The following WDR87 variants were observed in gnomAD, a reference collection of about 807,000 sequenced individuals.
WDR87 encodes the protein WD repeat domain 87.
In WDR87, 56 loss-of-function variants were observed where a neutral mutation model predicts 83.3. The observed-to-expected ratio is 0.67, with a 90% CI of 0.54 to 0.84. WDR87 has a LOEUF of 0.84. Ranked by LOEUF, WDR87 falls within the 40% of genes least tolerant of loss-of-function variation. The pLI, the probability that WDR87 is intolerant of heterozygous loss-of-function variation, is 0.00. For synonymous variants in WDR87, 1,173 were observed against 1,250.6 expected, an observed-to-expected ratio of 0.94 and a Z score of 1.31; for missense variants, 2,939 against 3,431.9, an observed-to-expected ratio of 0.86 and a Z score of 3.59.
rs776393968 is a variant in WDR87, at chr19:37,889,291, G to A, written c.4380C>T (p.Thr1460=). 1.5e-5 allele frequency: 23 copies of A among 1,551,590 alleles called. No individual in the cohort carries two copies. In the African/African-American group the frequency reaches 2.6e-4, roughly 18 times the overall value. Residue 1460 remains threonine (T), a synonymous_variant, in exon 6 of 6, where the codon ACC becomes ACT. Coordinates refer to ENST00000447313, the MANE Select transcript of WDR87 (RefSeq NM_001291088.2). Reference sequence around the variant, plus strand: ...CCTCACTCATATCCCTCTCTTCTTTGGTCATTTCCCTCTTTATTTTTCCTA... The same window carrying A: ...CCTCACTCATATCCCTCTCTTCTTTAGTCATTTCCCTCTTTATTTTTCCTA... ...RKVGKIKREM[T]KEERDMSEEV...
At chr19:37,899,601 C>A (rs2046281625) in intron 1 of WDR87, among the ~76,000 whole-genome samples, 1 of 152,070 alleles carries the variant, frequency 6.6e-6, no homozygotes, top group South Asian at 2.1e-4. Flanking sequence ...CCACACCTGG[C>A]TAATTTTTGT....
Position 37,886,242 on chromosome 19 carries a change from C to T in WDR87, c.7429G>A (p.Glu2477Lys). The T allele has an allele frequency of 2.6e-6, 4 of 1,551,706 alleles. No individual in the cohort carries two copies. Among genetic ancestry groups the T allele is most frequent in the Non-Finnish European group, 3.5e-6 (4 of 1,146,996 alleles). ...ATGGGTTCATATTTTCCCATCACTT[C>T]TCTTTCTTTATCCATTGTCCCTAAG... ...KFLGTMDKER[E>K]VMGKYEPIPP... The change falls in exon 6 of 6, where the codon GAA becomes AAA. Residue 2477 changes from glutamate to lysine, a missense_variant. Glu to Lys is a moderately conservative substitution (Grantham distance 56). Coordinates refer to ENST00000447313, the MANE Select transcript of WDR87 (RefSeq NM_001291088.2).
Position 37,889,433 on chromosome 19 carries a change from A to T in WDR87, c.4238T>A (p.Ile1413Asn), listed in dbSNP as rs1568450570. The T allele has an allele frequency of 6.4e-7, 1 of 1,551,848 alleles. No individual in the cohort carries two copies. Among genetic ancestry groups the T allele is most frequent in the Admixed American group, 2.0e-5 (1 of 50,994 alleles). ...GGTTACATTACCTGGTTCTAAAAAA[A>T]TAACTTTCTTGCCCTTTTTCAAAAT... ...QVILKKGKKVIFLEPGNVTMG... is the reference protein window; with the variant it reads ...QVILKKGKKVNFLEPGNVTMG... Residue 1413 changes from isoleucine to asparagine, a missense_variant, in exon 6 of 6, where the codon ATT becomes AAT. This residue lies in a region of WDR87 where 2,160 missense variants were observed against 2,533.1 expected (regional missense o/e 0.85). Transcript: ENST00000447313.
intron 1 of WDR87, among the ~76,000 whole-genome samples, chr19:37,905,556 A>G (rs2046320858): frequency 7.0e-6 from 1 of 143,576 alleles, no homozygotes; most frequent in Admixed American, 7.0e-5. Flanking sequence ...AAACACACAC[A>G]TATATAATTT....
chr19:37,899,594 C>T (rs1364556564), intron 1 of WDR87, among the ~76,000 whole-genome samples: 1 of 152,120 alleles, frequency 6.6e-6, no homozygotes. Flanking sequence ...TATGCCACCA[C>T]ACCTGGCTAA....
chr19:37,894,022 T>A lies in WDR87; in HGVS notation c.1681A>T (p.Thr561Ser). ...LASILSSCHLTHLILLPKSVG... is the reference protein window; with the variant it reads ...LASILSSCHLSHLILLPKSVG... Reference sequence around the variant, plus strand: ...GACTTGGGCAAGAGTATCAGATGTGTTAGGTGACAGCTGCTGAGAATGCTG... The same window carrying A: ...GACTTGGGCAAGAGTATCAGATGTGATAGGTGACAGCTGCTGAGAATGCTG... Residue 561 changes from threonine (T) to serine (S), a missense_variant, in exon 4 of 6, where the codon ACA becomes TCA. Physicochemically the swap from Thr to Ser is moderately conservative, Grantham distance 58. Transcript: ENST00000447313. The A allele has an allele frequency of 6.4e-7, 1 of 1,551,906 alleles. No homozygotes were observed. The highest frequency in any genetic ancestry group is 8.7e-7 in the Non-Finnish European group (1 of 1,147,028).
In WDR87 at chr19:37,885,824, T is replaced by A; in HGVS notation, c.7847A>T (p.His2616Leu). 6.4e-7 allele frequency: 1 copy of A among 1,551,880 alleles called. No individual in the cohort carries two copies. Among genetic ancestry groups the A allele is most frequent in the Non-Finnish European group, 8.7e-7 (1 of 1,147,036 alleles). The change falls in exon 6 of 6, where the codon CAC (histidine) becomes CTC (leucine). Residue 2616 changes from histidine to leucine, a missense_variant. This residue lies in a region of WDR87 where 2,160 missense variants were observed against 2,533.1 expected (regional missense o/e 0.85). Transcript: ENST00000447313. Reference protein sequence around the residue: ...LAKHEAIVYRHRQALESQDTR... With the variant: ...LAKHEAIVYRLRQALESQDTR... ...GTCTTGTGACTCCAGGGCCTGTCTG[T>A]GACGGTACACAATGGCTTCATGTTT...
rs778258054 is a variant in WDR87 at position 37,893,180 on chromosome 19, G to A, written c.2523C>T (p.Tyr841=). 3.9e-6 allele frequency: 6 copies of A among 1,551,912 alleles called. No individual in the cohort carries two copies. Among genetic ancestry groups the A allele is most frequent in the Non-Finnish European group, 4.4e-6 (5 of 1,147,034 alleles). The stretch of plus-strand genomic sequence containing the variant: ...GGGGTGCATGCAGGTTGCACTGTAG[G>A]TATATTGGGGTGCCCTCTGGCCAAA... The part of the protein sequence containing the change: ...ARLWPEGTPI[Y]LQCNLHAPQR... The change falls in exon 4 of 6, where the codon TAC becomes TAT. Residue 841 remains tyrosine (Y), a synonymous_variant. Coordinates refer to ENST00000447313, the MANE Select transcript of WDR87 (RefSeq NM_001291088.2).
rs138797668 is a variant in WDR87, at chr19:37,891,732, T to C, written c.3214A>G (p.Arg1072Gly). ...LQILSTQVEQ[R>G]LNENLTLSHR... is the part of the protein sequence containing the mutation. ...GACAGGGTCAGGTTTTCATTCAATC[T>C]CTGCTCCACTTGAGTGGAAAGGATT... The change falls in exon 5 of 6, where the codon AGA becomes GGA. Residue 1072 changes from arginine (R) to glycine (G), a missense_variant. Physicochemically the swap from Arg to Gly is moderately radical, Grantham distance 125. Coordinates refer to ENST00000447313, the MANE Select transcript of WDR87 (RefSeq NM_001291088.2). 4 of 1,552,106 alleles carry C rather than the reference T, an allele frequency of 2.6e-6. No individual in the cohort carries two copies. The African/African-American group carries it at 5.5e-5, about 21-fold the overall frequency.
rs2046142598 is a variant in WDR87, at chr19:37,886,146, T to C, written c.7525A>G (p.Ile2509Val). ...QDLKTPFMSHILRRTVEAEEL... is the reference protein window; with the variant it reads ...QDLKTPFMSHVLRRTVEAEEL... ...TCAGCTTCCACGGTCCTCCTTAATA[T>C]GTGGGACATAAATGGGGTCTTTAAG... The change falls in exon 6 of 6, where the codon ATA (isoleucine) becomes GTA (valine). Residue 2509 changes from isoleucine (I) to valine (V), a missense_variant. Ile to Val is a conservative substitution (Grantham distance 29, BLOSUM62 3). Coordinates refer to ENST00000447313, the MANE Select transcript of WDR87 (RefSeq NM_001291088.2). 2 of 1,551,746 alleles carry C rather than the reference T, an allele frequency of 1.3e-6. No homozygotes were observed. Among genetic ancestry groups the C allele is most frequent in the Non-Finnish European group, 1.7e-6 (2 of 1,147,004 alleles).
Position 37,891,709 on chromosome 19 carries a change from C to G in WDR87, c.3237G>C (p.Leu1079=), listed in dbSNP as rs1599762958. The change falls in exon 5 of 6, where the codon CTG becomes CTC. Residue 1079 remains leucine, a synonymous_variant. Transcript: ENST00000447313. ...AAGCCGGCTTTTCATCTCTATGTGA[C>G]AGGGTCAGGTTTTCATTCAATCTCT... is the stretch of plus-strand genomic sequence containing the variant. ...VEQRLNENLT[L]SHRDEKPAFS... is the part of the protein sequence containing the mutation. 1 of 1,551,962 alleles carries G rather than the reference C, an allele frequency of 6.4e-7. No homozygotes were observed. The highest frequency in any genetic ancestry group is 8.7e-7 in the Non-Finnish European group (1 of 1,147,066).
intron 2 of WDR87, among the ~76,000 whole-genome samples, chr19:37,896,868 C>A (rs2046260041): frequency 6.6e-6 from 1 of 152,208 alleles, no homozygotes; most frequent in Non-Finnish European, 1.5e-5. Flanking sequence ...AATCCGCCCG[C>A]CTCGGCCTCC....
Position 37,887,125 on chromosome 19 carries a change from CT to C in WDR87, c.6545del (p.Gln2182ArgfsTer8), listed in dbSNP as rs1466094700. The C allele has an allele frequency of 6.5e-7, 1 of 1,549,880 alleles. No homozygotes were observed. Among genetic ancestry groups the C allele is most frequent in the Non-Finnish European group, 8.7e-7 (1 of 1,146,730 alleles). ...TTCTCATTTTGTTGGCCAGTTTTCT[CT>C]GCTTCCGAGCCAGTTTCTTCTCATC... is the stretch of plus-strand genomic sequence containing the variant. ...TKDEKKLARK[Q>X]RKLANKMRRM... On this transcript the variant is annotated frameshift_variant, in exon 6 of 6. Transcript: ENST00000447313. LOFTEE classifies it low-confidence loss of function (END_TRUNC).
In WDR87 at chr19:37,890,060, A is replaced by G. The variant is rs758520294; in HGVS notation, c.3611T>C (p.Ile1204Thr). 2.3e-4 allele frequency: 354 copies of G among 1,551,790 alleles called. No individual in the cohort carries two copies. The highest frequency in any genetic ancestry group is 2.2e-3 in the Middle Eastern group (13 of 5,994). The part of the protein sequence containing the change: ...SQEKDISKDH[I>T]ALTLKRLQKI... ...CTGCAGCCTCTTCAGGGTCAATGCAATGTGATCCTTCGAGATATCTTTCTC... is the reference window on the plus strand; with the variant it reads ...CTGCAGCCTCTTCAGGGTCAATGCAGTGTGATCCTTCGAGATATCTTTCTC... Residue 1204 changes from isoleucine to threonine, a missense_variant, in exon 6 of 6, where the codon ATT becomes ACT. By Grantham distance (89) the Ile-to-Thr change is moderately conservative (BLOSUM62 -1). Around this residue, in one of 3 missense-constraint regions of WDR87, gnomAD observed 2,160 missense variants for 2,533.1 expected, o/e 0.85. Coordinates refer to ENST00000447313, the MANE Select transcript of WDR87 (RefSeq NM_001291088.2).
In WDR87 at chr19:37,886,364, G is replaced by A. The variant is rs1414160584; in HGVS notation, c.7307C>T (p.Ala2436Val). 6.5e-7 allele frequency: 1 copy of A among 1,549,890 alleles called. No individual in the cohort carries two copies. Among genetic ancestry groups the A allele is most frequent in the African/African-American group, 1.4e-5 (1 of 72,768 alleles). ...KSPLKKLMST[A>V]LEMKEKTPVP... Reference sequence around the variant, plus strand: ...TGGTGTTTTCTCTTTCATCTCCAGAGCTGTTGACATCAGTTTCTTCAAAGG... The same window carrying A: ...TGGTGTTTTCTCTTTCATCTCCAGAACTGTTGACATCAGTTTCTTCAAAGG... The change falls in exon 6 of 6, where the codon GCT (alanine) becomes GTT (valine). Residue 2436 changes from alanine to valine, a missense_variant. This residue lies in a region of WDR87 where 2,160 missense variants were observed against 2,533.1 expected (regional missense o/e 0.85). Coordinates refer to ENST00000447313, the MANE Select transcript of WDR87 (RefSeq NM_001291088.2).
intron 5 of WDR87, among the ~76,000 whole-genome samples, chr19:37,890,546 A>G (rs1027162959): frequency 4.6e-5 from 7 of 152,118 alleles, no homozygotes; most frequent in South Asian, 2.1e-4. Flanking sequence ...ATAAAAATCA[A>G]TTTTACTGAG....
chr19:37,886,142 AAT>A lies in WDR87; in HGVS notation c.7527_7528del (p.Leu2510LysfsTer7). On this transcript the variant is annotated frameshift_variant, in exon 6 of 6. Transcript: ENST00000447313. LOFTEE classifies it low-confidence loss of function (END_TRUNC). Reference sequence around the variant, plus strand: ...TTCCTCAGCTTCCACGGTCCTCCTTAATATGTGGGACATAAATGGGGTCTTTA... The same window carrying A: ...TTCCTCAGCTTCCACGGTCCTCCTTAATGTGGGACATAAATGGGGTCTTTA... 1.9e-6 allele frequency: 3 copies of A among 1,551,694 alleles called. No homozygotes were observed. Among genetic ancestry groups the A allele is most frequent in the Non-Finnish European group, 2.6e-6 (3 of 1,146,992 alleles).
intron 5 of WDR87, 116 bp from the exon 6 acceptor site, chr19:37,890,392 A>G: frequency 7.9e-7 from 1 of 1,269,246 alleles, no homozygotes; most frequent in Non-Finnish European, 1.0e-6. Flanking sequence ...CAACAGAGAG[A>G]ACTGAGGCCT....
rs917925826 is a variant in WDR87 at position 37,893,545 on chromosome 19, A to C, written c.2158T>G (p.Tyr720Asp). 73 of 1,551,716 alleles carry C rather than the reference A, an allele frequency of 4.7e-5. No individual in the cohort carries two copies. Among genetic ancestry groups the C allele is most frequent in the Non-Finnish European group, 6.3e-5 (72 of 1,147,044 alleles). Residue 720 changes from tyrosine to aspartate, a missense_variant, in exon 4 of 6, where the codon TAC becomes GAC. By Grantham distance (160) the Tyr-to-Asp change is radical. This residue lies in a region of WDR87 where 553 missense variants were observed against 577.9 expected (regional missense o/e 0.96). Coordinates refer to ENST00000447313, the MANE Select transcript of WDR87 (RefSeq NM_001291088.2). Reference sequence around the variant, plus strand: ...AATTTCTGTTGCGCTTGTCCAGGGTAGATGTACTTGGGCACAAACATGGTC... The same window carrying C: ...AATTTCTGTTGCGCTTGTCCAGGGTCGATGTACTTGGGCACAAACATGGTC... ...FETMFVPKYI[Y>D]PGQAQQKLVG...
Sources: gnomAD v4.1 joint callset for allele counts (sites outside exome capture counted in the v4.1 genomes callset) on GRCh38, gnomAD v4.1.1 for gene constraint, gnomAD v4.1.1 regional missense constraint, MANE v1.5 for transcripts, NCBI Gene and HGNC (gene_info 2026-07-23, HGNC 2026-07-21) for gene names.